SGCZ: variants seen among roughly 807,000 people sequenced by gnomAD.
The protein encoded by SGCZ is sarcoglycan zeta, also known as zeta-sarcoglycan.
SGCZ carries 40 observed loss-of-function variants against 41.3 expected under a neutral mutation model. The ratio of observed to expected loss-of-function variants is 0.97; its 90% confidence interval spans 0.75 to 1.26. SGCZ has a LOEUF of 1.26. SGCZ is among the 50% of genes most tolerant of loss of function. SGCZ has a pLI of 0.00. For synonymous variants in SGCZ, 206 were observed against 137.5 expected (o/e 1.50, Z -3.49); for missense variants, 552 against 369.8 (o/e 1.49, Z -4.04).
At chr8:15,022,972 A>G (rs1170109707) in intron 1 of SGCZ, among the ~76,000 whole-genome samples, 1 of 152,024 alleles carries the variant, frequency 6.6e-6, no homozygotes, top group Non-Finnish European at 1.5e-5. Flanking sequence ...GGTGGATGGG[A>G]TTTGTCAGCC....
intron 2 of SGCZ, among the ~76,000 whole-genome samples, chr8:14,441,435 C>G (rs180737890): frequency 6.6e-6 from 1 of 152,014 alleles, no homozygotes; most frequent in African/African-American, 2.4e-5. Flanking sequence ...ATTAGTTGGG[C>G]GTGGTGGCAC....
At chr8:14,697,814 C>A (rs115607009) in intron 1 of SGCZ, among the ~76,000 whole-genome samples, 1 of 151,898 alleles carries the variant, frequency 6.6e-6, no homozygotes, top group South Asian at 2.1e-4. Flanking sequence ...CACAACAGTC[C>A]AGCAATACTA....
chr8:14,688,736 T>TCATTG (rs1563203978), intron 1 of SGCZ, among the ~76,000 whole-genome samples: 1 of 152,042 alleles, frequency 6.6e-6, no homozygotes. Flanking sequence ...GTGAAGAAAG[T>TCATTG]CATTGGTAGT....
chr8:15,193,082 T>C lies in SGCZ; in HGVS notation c.39+44503A>G, dbSNP rs1411153234. On this transcript the variant is annotated intron_variant, in intron 1 of 7. Coordinates refer to ENST00000382080, the MANE Select transcript of SGCZ (RefSeq NM_139167.4). The stretch of plus-strand genomic sequence containing the variant: ...AGGTGGAAATGAGGGTATAGTTGTC[T>C]GGAATTTAAATCACGTAGGTAAGCA... Among the ~76,000 whole-genome samples, 3 of 152,172 alleles carry C rather than the reference T, an allele frequency of 2.0e-5. No homozygotes were observed. The East Asian group carries it at 5.8e-4, about 29-fold the overall frequency.
intron 1 of SGCZ, among the ~76,000 whole-genome samples, chr8:14,856,016 A>T (rs1466279663): frequency 1.3e-5 from 2 of 152,234 alleles, no homozygotes; most frequent in African/African-American, 2.4e-5. Context: ...GTTCAAGCAC[A>T]TAATTTCTCC....
At chr8:14,457,627 T>G (rs1327689120) in intron 2 of SGCZ, among the ~76,000 whole-genome samples, 1 of 152,184 alleles carries the variant, frequency 6.6e-6, no homozygotes, top group African/African-American at 2.4e-5. Flanking sequence ...GCCTTCCAGA[T>G]AGCAGTAGTA....
chr8:15,213,585 A>C (rs1183257396), intron 1 of SGCZ, among the ~76,000 whole-genome samples: 1 of 151,658 alleles, frequency 6.6e-6, no homozygotes, highest in African/African-American at 2.4e-5. Context: ...ACAAATCCTA[A>C]TTGCTTTTAT....
chr8:14,767,946 C>T (rs891991795), intron 1 of SGCZ, among the ~76,000 whole-genome samples: 1 of 152,132 alleles, frequency 6.6e-6, no homozygotes, highest in African/African-American at 2.4e-5. Flanking sequence ...TAGATAGCAA[C>T]AGAATCTTGA....
At chr8:14,455,373 A>G (rs1350575535) in intron 2 of SGCZ, among the ~76,000 whole-genome samples, 2 of 151,876 alleles carry the variant, frequency 1.3e-5, no homozygotes, top group Admixed American at 6.6e-5. Flanking sequence ...CTAGTTGGTG[A>G]GTCTGGATAA....
At chr8:14,642,976 C>A (rs1563173741) in intron 1 of SGCZ, among the ~76,000 whole-genome samples, 1 of 151,484 alleles carries the variant, frequency 6.6e-6, no homozygotes. Flanking sequence ...AGAAAAATGA[C>A]CTGTGCATAG....
intron 1 of SGCZ, among the ~76,000 whole-genome samples, chr8:14,634,725 A>G (rs1358915801): frequency 1.3e-5 from 2 of 151,852 alleles, no homozygotes; most frequent in African/African-American, 4.8e-5. Flanking sequence ...CGGAAATCAC[A>G]AAATTCCATA....
At chr8:14,280,030 G>A (rs185409935) in intron 3 of SGCZ, among the ~76,000 whole-genome samples, 1 of 151,916 alleles carries the variant, frequency 6.6e-6, no homozygotes, top group Non-Finnish European at 1.5e-5. Flanking sequence ...AATGGTAGGA[G>A]TCAAATATAG....
At chr8:15,026,425 A>G (rs2130951208) in intron 1 of SGCZ, among the ~76,000 whole-genome samples, 1 of 152,322 alleles carries the variant, frequency 6.6e-6, no homozygotes, top group Admixed American at 6.5e-5. Flanking sequence ...TGTTTCCAAA[A>G]AGAAAAAGAA....
intron 1 of SGCZ, among the ~76,000 whole-genome samples, chr8:14,674,262 A>G (rs540918630): frequency 6.6e-6 from 1 of 152,072 alleles, no homozygotes; most frequent in African/African-American, 2.4e-5. Flanking sequence ...CACCAAAAAC[A>G]CCAACGTAAA....
chr8:15,173,728 C>A (rs1456824824), intron 1 of SGCZ, among the ~76,000 whole-genome samples: 6 of 152,068 alleles, frequency 3.9e-5, no homozygotes, highest in Admixed American at 3.9e-4. Context: ...TTGGCATTTT[C>A]TCAGACTCAA....
chr8:14,523,665 C>A (rs1376093643), intron 2 of SGCZ, among the ~76,000 whole-genome samples: 1 of 151,932 alleles, frequency 6.6e-6, no homozygotes, highest in Admixed American at 6.6e-5. Flanking sequence ...TTGAATTTTC[C>A]ACATTTTAGA....
At chr8:14,927,557 G>A (rs538895371) in intron 1 of SGCZ, among the ~76,000 whole-genome samples, 3 of 152,126 alleles carry the variant, frequency 2.0e-5, no homozygotes, top group East Asian at 1.9e-4. Context: ...AGAAGAGGGA[G>A]AGAGACGAAA....
At chr8:15,147,637 G>A (rs554539995) in intron 1 of SGCZ, among the ~76,000 whole-genome samples, 4 of 152,216 alleles carry the variant, frequency 2.6e-5, no homozygotes, top group East Asian at 1.9e-4. Context: ...GGCAGGACAC[G>A]ATCCCTTATG....
chr8:14,389,973 G>A (rs750738254), intron 2 of SGCZ, among the ~76,000 whole-genome samples: 1 of 151,872 alleles, frequency 6.6e-6, no homozygotes, highest in Non-Finnish European at 1.5e-5. Context: ...ACGAAGACGG[G>A]GGATTTTTGT....
Sources: gnomAD v4.1 joint callset for allele counts (sites outside exome capture counted in the v4.1 genomes callset) on GRCh38, gnomAD v4.1.1 for gene constraint, MANE v1.5 for transcripts, NCBI Gene and HGNC (gene_info 2026-07-23, HGNC 2026-07-21) for gene names.